The following GC variants were observed in gnomAD, a reference collection of about 807,000 sequenced individuals.
The protein encoded by GC is GC vitamin D binding protein.
In GC, 43 loss-of-function variants were observed where a neutral mutation model predicts 56.7. The ratio of observed to expected loss-of-function variants is 0.76; its 90% confidence interval spans 0.59 to 0.98. The LOEUF is 0.98. GC is among the 50% of genes least tolerant of loss of function. The probability of loss-of-function intolerance (pLI) is 0.00; values close to 1 mark genes in which losing one functional copy is unlikely to be tolerated. For synonymous variants in GC, 216 were observed against 202.7 expected, an observed-to-expected ratio of 1.07 and a Z score of -0.56; for missense variants, 529 against 545.9, an observed-to-expected ratio of 0.97 and a Z score of 0.31.
chr4:71,782,465 C>G (rs1742714707), intron 1 of GC, among the ~76,000 whole-genome samples: 2 of 151,808 alleles, frequency 1.3e-5, no homozygotes, highest in South Asian at 4.1e-4. Flanking sequence ...TATCATCTGG[C>G]ATATGGCACA....
chr4:71,743,065 G>GA (rs1741240751), intron 12 of GC, among the ~76,000 whole-genome samples: 1 of 152,176 alleles, frequency 6.6e-6, no homozygotes, highest in Non-Finnish European at 1.5e-5. Flanking sequence ...TTGAAGGCTT[G>GA]AAGAAAAAGA....
intron 1 of GC, among the ~76,000 whole-genome samples, chr4:71,800,629 T>C (rs563016950): frequency 2.0e-5 from 3 of 152,352 alleles, no homozygotes; most frequent in Admixed American, 2.0e-4. Context: ...ACAGTATTTC[T>C]GGTTCTAGAT....
chr4:71,774,905 A>G (rs1448493823), intron 1 of GC, among the ~76,000 whole-genome samples: 1 of 151,970 alleles, frequency 6.6e-6, no homozygotes, highest in African/African-American at 2.4e-5. Context: ...TACTCTATTG[A>G]AATTTAGTGA....
upstream of GC, among the ~76,000 whole-genome samples, chr4:71,786,419 A>G (rs1015034618): frequency 6.6e-6 from 1 of 151,766 alleles, no homozygotes; most frequent in African/African-American, 2.4e-5. Context: ...ACCAAATCAA[A>G]CCTTCTCACA....
At chr4:71,797,949 CT>C (rs1189211449) in intron 1 of GC, among the ~76,000 whole-genome samples, 2 of 152,192 alleles carry the variant, frequency 1.3e-5, no homozygotes, top group Non-Finnish European at 2.9e-5. Flanking sequence ...ACTTTCTTCT[CT>C]TTAAAACTTT....
intron 6 of GC, among the ~76,000 whole-genome samples, chr4:71,758,682 C>T (rs1250144797): frequency 6.6e-6 from 1 of 152,072 alleles, no homozygotes; most frequent in African/African-American, 2.4e-5. Flanking sequence ...TTGCCTTTTT[C>T]ACTTAATATA....
upstream of GC, among the ~76,000 whole-genome samples, chr4:71,804,923 GA>G (rs1743330053): frequency 6.6e-6 from 1 of 151,998 alleles, no homozygotes; most frequent in Non-Finnish European, 1.5e-5. Flanking sequence ...GAGGGAGGAG[GA>G]GGAGGAGGAG....
chr4:71,766,690 G>A (rs9999252), intron 3 of GC, among the ~76,000 whole-genome samples: 9,041 of 152,020 alleles, frequency 0.059, 706 homozygotes, highest in African/African-American at 0.17. Flanking sequence ...ACCATCTTCC[G>A]TACCATCCTT....
chr4:71,763,804 C>T lies in GC; in HGVS notation c.606G>A (p.Glu202=), dbSNP rs1287400141. Reference sequence around the variant, plus strand: ...ATATAATAAGTAAAATGGGACATACCTCTTTCAAAAAGCATACAGTTGGGC... The same window carrying T: ...ATATAATAAGTAAAATGGGACATACTTCTTTCAAAAAGCATACAGTTGGGC... The part of the protein sequence containing the change: ...SASPTVCFLK[E]RLQLKHLSLL... Residue 202 remains glutamate, a splice_region_variant and synonymous_variant, in exon 5 of 13, where the codon GAG becomes GAA. Coordinates refer to ENST00000273951, the MANE Select transcript of GC (RefSeq NM_000583.4). 1.9e-6 allele frequency: 3 copies of T among 1,609,912 alleles called. No individual in the cohort carries two copies. Among genetic ancestry groups the T allele is most frequent in the Non-Finnish European group, 2.5e-6 (3 of 1,177,702 alleles).
At chr4:71,784,143 C>T (rs1474808085), upstream of GC, 7 of 1,392,826 alleles carry the variant, frequency 5.0e-6, no homozygotes, top group African/African-American at 8.9e-5. Context: ...AATTATTAAT[C>T]TCAGAAGCAA....
At chr4:71,781,586 A>C (rs1321811081) in intron 1 of GC, among the ~76,000 whole-genome samples, 2 of 151,842 alleles carry the variant, frequency 1.3e-5, no homozygotes, top group East Asian at 3.9e-4. Flanking sequence ...AAAATTTTAT[A>C]GCTGTATCAC....
chr4:71,786,475 A>AAT (rs778314895), upstream of GC, among the ~76,000 whole-genome samples: 18 of 151,908 alleles, frequency 1.2e-4, no homozygotes, highest in African/African-American at 3.6e-4. Context: ...TGTATCACTG[A>AAT]ATATATATAT....
rs749016057 is a variant in GC at position 71,758,190 on chromosome 4, AT to A, written c.702-20del. 2 of 1,603,812 alleles carry A rather than the reference AT, an allele frequency of 1.2e-6. No homozygotes were observed. Among genetic ancestry groups the A allele is most frequent in the Non-Finnish European group, 8.5e-7 (1 of 1,173,126 alleles). On this transcript the variant is annotated intron_variant, in intron 6 of 12. Coordinates refer to ENST00000273951, the MANE Select transcript of GC (RefSeq NM_000583.4). ...GAGATTGCTAAACAGTTAAAAATAA[AT>A]ATGTTAGCTTATCAACATTCTCAGT...
intron 1 of GC, among the ~76,000 whole-genome samples, chr4:71,773,883 G>C (rs1742418313): frequency 6.6e-6 from 1 of 151,966 alleles, no homozygotes; most frequent in Non-Finnish European, 1.5e-5. Context: ...ATCCATGTCA[G>C]AAAAGCTCAG....
At chr4:71,804,539 C>A (rs1007210083), upstream of GC, among the ~76,000 whole-genome samples, 2 of 151,946 alleles carry the variant, frequency 1.3e-5, no homozygotes, top group African/African-American at 4.8e-5. Context: ...TTATCATATT[C>A]TGCCCTCCAG....
At chr4:71,745,874 T>C (rs1741346879) in intron 12 of GC, among the ~76,000 whole-genome samples, 1 of 152,164 alleles carries the variant, frequency 6.6e-6, no homozygotes, top group African/African-American at 2.4e-5. Flanking sequence ...TTAAATGTTC[T>C]TTACGGTATC....
At chr4:71,763,054 T>C (rs547797696) in intron 6 of GC, among the ~76,000 whole-genome samples, 60 of 152,308 alleles carry the variant, frequency 3.9e-4, no homozygotes, top group Middle Eastern at 3.4e-3. Flanking sequence ...AGGCAAATAA[T>C]AGGTAATAAA....
upstream of GC, chr4:71,786,012 CAG>C (rs1344596680): frequency 3.3e-5 from 5 of 151,778 alleles, no homozygotes; most frequent in African/African-American, 4.8e-5. Context: ...AATTTTGATA[CAG>C]AGTTTAAGAC....
intron 1 of GC, among the ~76,000 whole-genome samples, chr4:71,803,572 C>A (rs1483354181): frequency 6.6e-6 from 1 of 152,072 alleles, no homozygotes; most frequent in Non-Finnish European, 1.5e-5. Flanking sequence ...AGTAAAAATA[C>A]CGGGTATTTC....
Sources: allele counts gnomAD v4.1 joint callset (sites outside exome capture counted in the v4.1 genomes callset), GRCh38; gene constraint gnomAD v4.1.1; transcripts MANE v1.5; gene names NCBI Gene and HGNC (gene_info 2026-07-23, HGNC 2026-07-21).